The following FGD6 variants were observed in gnomAD, a reference collection of about 807,000 sequenced individuals.
FGD6 encodes the protein FYVE, RhoGEF and PH domain-containing protein 6.
In FGD6, 90 loss-of-function variants were observed where a neutral mutation model predicts 149.4. The observed-to-expected ratio is 0.60, with a 90% CI of 0.51 to 0.72. The LOEUF (loss-of-function observed/expected upper bound fraction) is 0.72. FGD6 is among the 30% of genes least tolerant of loss of function. The pLI is 0.00. For synonymous variants in FGD6, 527 were observed against 584.0 expected, an observed-to-expected ratio of 0.90 and a Z score of 1.41; for missense variants, 1,437 against 1,684.8, an observed-to-expected ratio of 0.85 and a Z score of 2.57.
At position 95,201,567 on chromosome 12, in the gene FGD6, T is replaced by C. The variant is rs372427663; in HGVS notation, c.2441+7276A>G. Among the ~76,000 whole-genome samples the C allele has an allele frequency of 1.7e-3, 263 of 152,322 alleles. 1 individual carries two copies. Among genetic ancestry groups the C allele is most frequent in the African/African-American group, 5.7e-3 (237 of 41,582 alleles). On this transcript the variant is annotated intron_variant, in intron 2 of 20. Transcript: ENST00000343958. ...TGCTAGGTTTTATCCATTCCTTGAC[T>C]GAAGGATGATTGTCTGATTACCTTT...
chr12:95,105,959 G>A (rs1423849706), intron 13 of FGD6, among the ~76,000 whole-genome samples: 1 of 152,108 alleles, frequency 6.6e-6, no homozygotes, highest in East Asian at 1.9e-4. Context: ...GCAGTGAGCT[G>A]AGATCGCACC....
Position 95,081,512 on chromosome 12 carries a change from C to A in FGD6, c.*8G>T, listed in dbSNP as rs772588408. On this transcript the variant is annotated 3_prime_UTR_variant, in exon 21 of 21. Transcript: ENST00000343958. ...TTTGGAATCACAGAAGAGATGAAAC[C>A]AATACTGCTACAATATTGTGCCTTC... 1.9e-5 allele frequency: 30 copies of A among 1,596,702 alleles called. No individual in the cohort carries two copies. The highest frequency in any genetic ancestry group is 2.2e-5 in the Non-Finnish European group (26 of 1,171,524).
intron 2 of FGD6, chr12:95,189,389 T>G (rs987704553): frequency 3.3e-5 from 5 of 152,350 alleles, no homozygotes; most frequent in Admixed American, 6.5e-5. Flanking sequence ...GGCTCACGTC[T>G]GTAATCCCAG....
chr12:95,171,640 T>A (rs1220772228), intron 3 of FGD6, among the ~76,000 whole-genome samples: 1 of 152,128 alleles, frequency 6.6e-6, no homozygotes, highest in African/African-American at 2.4e-5. Flanking sequence ...CTCAGCCTCC[T>A]GAGTGGCTGG....
intron 3 of FGD6, among the ~76,000 whole-genome samples, chr12:95,154,033 C>T (rs1275082573): frequency 6.6e-6 from 1 of 151,962 alleles, no homozygotes; most frequent in African/African-American, 2.4e-5. Flanking sequence ...GATCTCAGCT[C>T]ACTGCAACCT....
intron 8 of FGD6, chr12:95,125,997 G>T: frequency 7.2e-7 from 1 of 1,387,564 alleles, no homozygotes; most frequent in Non-Finnish European, 1.0e-6. Context: ...CTGGCAGAAG[G>T]TAGACATCAA....
At chr12:95,137,222 T>C (rs1337271454) in intron 7 of FGD6, among the ~76,000 whole-genome samples, 1 of 152,094 alleles carries the variant, frequency 6.6e-6, no homozygotes, top group East Asian at 1.9e-4. Flanking sequence ...GAGGTTGCAG[T>C]GAGCCAATCT....
At chr12:95,108,235 T>C (rs944262613) in intron 11 of FGD6, 113 bp downstream of exon 11, 5 of 891,682 alleles carry the variant, frequency 5.6e-6, no homozygotes, top group Non-Finnish European at 8.6e-6. Context: ...GTGATCAAAA[T>C]TGAATCAATG....
chr12:95,209,711 G>T lies in FGD6; in HGVS notation c.1573C>A (p.Pro525Thr). Residue 525 changes from proline (P) to threonine (T), a missense_variant, in exon 2 of 21, where the codon CCT becomes ACT. Pro to Thr is a conservative substitution (Grantham distance 38, BLOSUM62 -1). This residue lies in a region of FGD6 where 1,055 missense variants were observed against 1,146.0 expected (regional missense o/e 0.92). Coordinates refer to ENST00000343958, the MANE Select transcript of FGD6 (RefSeq NM_018351.4). ...SEELLEKSSY[P>T]SSEEKSSEKS... ...TCTGAACTTTTTTCTTCACTTGAAG[G>T]ATAAGAACTTTTTTCCAAAAGCTCC... 2 of 1,614,032 alleles carry T rather than the reference G, an allele frequency of 1.2e-6. No individual in the cohort carries two copies. Among genetic ancestry groups the T allele is most frequent in the African/African-American group, 1.3e-5 (1 of 75,018 alleles).
chr12:95,202,594 A>G (rs1176988953), intron 2 of FGD6, among the ~76,000 whole-genome samples: 2 of 152,006 alleles, frequency 1.3e-5, no homozygotes, highest in Non-Finnish European at 2.9e-5. Flanking sequence ...GGGTCTCACC[A>G]TGTTGCCCAG....
chr12:95,157,515 A>C (rs1442904354), intron 3 of FGD6, among the ~76,000 whole-genome samples: 1 of 150,296 alleles, frequency 6.7e-6, no homozygotes, highest in African/African-American at 2.5e-5. Flanking sequence ...GCAGTGAGTC[A>C]TGATCGTGCC....
intron 19 of FGD6, among the ~76,000 whole-genome samples, chr12:95,084,990 T>A (rs1314245388): frequency 6.6e-6 from 1 of 152,182 alleles, no homozygotes; most frequent in East Asian, 1.9e-4. Context: ...CACCTGGATC[T>A]CACTAAGGAA....
intron 14 of FGD6, among the ~76,000 whole-genome samples, chr12:95,100,064 C>CA (rs1361491360): frequency 7.7e-6 from 1 of 129,890 alleles, no homozygotes; most frequent in Non-Finnish European, 1.6e-5. Context: ...ATCCCCCCCC[C>CA]CCCCACCCCA....
chr12:95,187,639 G>A (rs1193730569), intron 2 of FGD6, among the ~76,000 whole-genome samples: 7 of 149,240 alleles, frequency 4.7e-5, no homozygotes, highest in South Asian at 2.1e-4. Flanking sequence ...GTGACTGAGC[G>A]AGGCTGCGTC....
At chr12:95,187,183 T>G (rs1182992545) in intron 2 of FGD6, among the ~76,000 whole-genome samples, 1 of 145,578 alleles carries the variant, frequency 6.9e-6, no homozygotes, top group Non-Finnish European at 1.5e-5. Context: ...TATAAAAAAT[T>G]AGCTGGTCGT....
At chr12:95,167,901 T>G (rs1592860810) in intron 3 of FGD6, among the ~76,000 whole-genome samples, 2 of 152,192 alleles carry the variant, frequency 1.3e-5, no homozygotes, top group Middle Eastern at 6.8e-3. Flanking sequence ...CCTGAGTTGT[T>G]ACATTTAGGT....
intron 2 of FGD6, among the ~76,000 whole-genome samples, chr12:95,193,201 T>C (rs902128840): frequency 6.6e-6 from 1 of 152,204 alleles, no homozygotes; most frequent in Non-Finnish European, 1.5e-5. Context: ...TGAATATGAA[T>C]GTTCATGACA....
At chr12:95,097,739 T>TG (rs1878286171) in intron 14 of FGD6, among the ~76,000 whole-genome samples, 1 of 151,862 alleles carries the variant, frequency 6.6e-6, no homozygotes. Flanking sequence ...CTTTGATTTG[T>TG]GAGTAACGCT....
chr12:95,090,663 C>A (rs1167437950), intron 17 of FGD6, among the ~76,000 whole-genome samples: 1 of 152,148 alleles, frequency 6.6e-6, no homozygotes, highest in South Asian at 2.1e-4. Flanking sequence ...ATGGATGGGT[C>A]TTCTTGGAAA....
Sources: allele counts gnomAD v4.1 joint callset (sites outside exome capture counted in the v4.1 genomes callset), GRCh38; gene constraint gnomAD v4.1.1; regional missense constraint gnomAD v4.1.1; transcripts MANE v1.5; gene names NCBI Gene and HGNC (gene_info 2026-07-23, HGNC 2026-07-21).